Variants in DPP10 observed in about 807,000 individuals in gnomAD.
The protein encoded by DPP10 is dipeptidyl peptidase like 10, also known as inactive dipeptidyl peptidase 10.
A neutral mutation model predicts 120.9 loss-of-function variants in DPP10; 33 were observed. The ratio of observed to expected loss-of-function variants is 0.27; its 90% confidence interval spans 0.21 to 0.37. The LOEUF is 0.37. DPP10 is among the 10% of genes least tolerant of loss of function. DPP10 has a pLI of 1.00. For missense variants in DPP10, 816 were observed against 942.8 expected, an observed-to-expected ratio of 0.87 and a Z score of 1.76; for synonymous variants, 337 against 326.1, an observed-to-expected ratio of 1.03 and a Z score of -0.36.
At chr2:114,892,332 A>C (rs1201532880) in intron 1 of DPP10, among the ~76,000 whole-genome samples, 1 of 152,100 alleles carries the variant, frequency 6.6e-6, no homozygotes, top group African/African-American at 2.4e-5. Flanking sequence ...GGGTCCTCAC[A>C]CCCACTCTGT....
intron 3 of DPP10, among the ~76,000 whole-genome samples, chr2:115,352,154 TATTTAAAGAGA>T (rs1276317892): frequency 2.0e-5 from 3 of 152,078 alleles, no homozygotes; most frequent in Non-Finnish European, 4.4e-5. Context: ...ATGATCAAAG[TATTTAAAGAGA>T]ATTTGAAACA....
chr2:115,071,226 C>T (rs1490086964), intron 1 of DPP10, among the ~76,000 whole-genome samples: 1 of 152,056 alleles, frequency 6.6e-6, no homozygotes, highest in African/African-American at 2.4e-5. Flanking sequence ...CTTATTCTCC[C>T]TGCCTATTTC....
At chr2:115,323,795 G>T (rs1347436826) in intron 2 of DPP10, among the ~76,000 whole-genome samples, 1 of 152,150 alleles carries the variant, frequency 6.6e-6, no homozygotes, top group Non-Finnish European at 1.5e-5. Context: ...ATATTTTTAT[G>T]AGTAGTAAGT....
chr2:115,275,701 C>CTT (rs72078308), intron 1 of DPP10, among the ~76,000 whole-genome samples: 55,598 of 131,542 alleles, frequency 0.42, 12,150 homozygotes, highest in Middle Eastern at 0.47. Flanking sequence ...CTTTTCTTTT[C>CTT]TTTTTTTTTT....
chr2:115,033,111 T>C (rs1287917911), intron 1 of DPP10, among the ~76,000 whole-genome samples: 1 of 152,160 alleles, frequency 6.6e-6, no homozygotes, highest in Non-Finnish European at 1.5e-5. Flanking sequence ...TTTATTTCAC[T>C]TGAACCTCTC....
intron 1 of DPP10, among the ~76,000 whole-genome samples, chr2:114,961,194 A>G (rs1698599148): frequency 6.6e-6 from 1 of 151,850 alleles, no homozygotes; most frequent in South Asian, 2.1e-4. Context: ...AGCTGGGATT[A>G]CAGGCATGCA....
intron 1 of DPP10, among the ~76,000 whole-genome samples, chr2:114,974,575 A>G (rs1017542393): frequency 6.6e-6 from 1 of 151,720 alleles, no homozygotes; most frequent in Admixed American, 6.6e-5. Flanking sequence ...TGCCCAGCTA[A>G]ATTTTGTATT....
chr2:115,432,190 T>A (rs1448714983), intron 3 of DPP10, among the ~76,000 whole-genome samples: 2 of 152,132 alleles, frequency 1.3e-5, no homozygotes, highest in East Asian at 3.9e-4. Context: ...TTAGAAAACA[T>A]CAAGTCTGTG....
chr2:115,202,416 A>G (rs2055803655), intron 1 of DPP10, among the ~76,000 whole-genome samples: 1 of 152,188 alleles, frequency 6.6e-6, no homozygotes, highest in Non-Finnish European at 1.5e-5. Flanking sequence ...TTTGCTGATT[A>G]AACTCCCTGG....
intron 5 of DPP10, among the ~76,000 whole-genome samples, chr2:115,625,889 G>A (rs1276515759): frequency 6.6e-6 from 1 of 151,974 alleles, no homozygotes; most frequent in Non-Finnish European, 1.5e-5. Flanking sequence ...ATGTTGTAAA[G>A]TATAATTACA....
At chr2:115,668,656 G>A (rs887360296) in intron 5 of DPP10, among the ~76,000 whole-genome samples, 1 of 152,028 alleles carries the variant, frequency 6.6e-6, no homozygotes, top group Non-Finnish European at 1.5e-5. Context: ...TTAAAGGGTG[G>A]GCTGGTCTGT....
At chr2:115,521,527 T>C (rs2077808099) in intron 4 of DPP10, among the ~76,000 whole-genome samples, 1 of 152,140 alleles carries the variant, frequency 6.6e-6, no homozygotes, top group Admixed American at 6.5e-5. Context: ...AAAGCAACAT[T>C]CACCCAATGA....
chr2:115,434,094 A>G (rs938348453), intron 3 of DPP10, among the ~76,000 whole-genome samples: 3 of 152,024 alleles, frequency 2.0e-5, no homozygotes, highest in African/African-American at 7.2e-5. Context: ...AAAAATATCA[A>G]TTACTATACA....
At chr2:115,817,932 G>T (rs1204497250) in intron 21 of DPP10, among the ~76,000 whole-genome samples, 2 of 152,030 alleles carry the variant, frequency 1.3e-5, no homozygotes, top group Admixed American at 6.6e-5. Flanking sequence ...GATTTGAGGG[G>T]AGAGGAAAAA....
chr2:115,100,158 C>T (rs1006984572), intron 1 of DPP10, among the ~76,000 whole-genome samples: 2 of 152,124 alleles, frequency 1.3e-5, no homozygotes, highest in Non-Finnish European at 2.9e-5. Context: ...GAACTTGTCT[C>T]TGTTGGCTGC....
At chr2:114,920,868 A>C (rs1372586690) in intron 1 of DPP10, among the ~76,000 whole-genome samples, 2 of 152,190 alleles carry the variant, frequency 1.3e-5, no homozygotes, top group Non-Finnish European at 2.9e-5. Flanking sequence ...ATGGCAATAC[A>C]GGAACCGATG....
Position 114,466,248 on chromosome 2 carries a change from T to A in DPP10, c.60+23410T>A, listed in dbSNP as rs186387943. On this transcript the variant is annotated intron_variant, in intron 1 of 25. Transcript: ENST00000410059. ...AGCCACAATAACTAAGGCAATCTGA[T>A]ATTGACAATGTGTATTTTATCAATG... Among the ~76,000 whole-genome samples, 112 of 152,358 alleles carry A rather than the reference T, an allele frequency of 7.4e-4. 1 individual carries two copies. The highest frequency in any genetic ancestry group is 3.5e-3 in the East Asian group (18 of 5,190).
chr2:115,547,557 G>A (rs2079588668), intron 5 of DPP10, among the ~76,000 whole-genome samples: 1 of 151,916 alleles, frequency 6.6e-6, no homozygotes, highest in Non-Finnish European at 1.5e-5. Context: ...GTGAACTCTT[G>A]GGCTCAGGTG....
At chr2:115,778,966 C>G (rs972756445) in intron 15 of DPP10, among the ~76,000 whole-genome samples, 2 of 151,942 alleles carry the variant, frequency 1.3e-5, no homozygotes, top group Admixed American at 1.3e-4. Flanking sequence ...TTTTGGTGAC[C>G]TAAAGCTTAT....
Sources: gnomAD v4.1 joint callset for allele counts (sites outside exome capture counted in the v4.1 genomes callset) on GRCh38, gnomAD v4.1.1 for gene constraint, MANE v1.5 for transcripts, NCBI Gene and HGNC (gene_info 2026-07-23, HGNC 2026-07-21) for gene names.